Variants in FAM174A observed in about 807,000 individuals in gnomAD.
FAM174A encodes the protein family with sequence similarity 174 member A, also known as membrane protein FAM174A.
FAM174A carries 14 observed loss-of-function variants against 14.3 expected under a neutral mutation model. The ratio of observed to expected loss-of-function variants is 0.98; its 90% CI spans 0.65 to 1.53. The LOEUF is 1.53. FAM174A is among the 40% of genes most tolerant of loss of function. The probability of loss-of-function intolerance (pLI) is 0.00; values close to 1 mark genes in which losing one functional copy is unlikely to be tolerated. For missense variants in FAM174A, 241 were observed against 249.6 expected (o/e 0.97, Z 0.23); for synonymous variants, 108 against 111.4 (o/e 0.97, Z 0.19).
intron 1 of FAM174A, among the ~76,000 whole-genome samples, chr5:100,545,037 A>G (rs1746136525): frequency 6.6e-6 from 1 of 152,166 alleles, no homozygotes; most frequent in South Asian, 2.1e-4. Context: ...TTAAATAGCT[A>G]AATATCTTGA....
intron 2 of FAM174A, among the ~76,000 whole-genome samples, chr5:100,562,607 CGT>C (rs1451108001): frequency 2.7e-5 from 4 of 149,684 alleles, no homozygotes; most frequent in Admixed American, 1.3e-4. Context: ...TGTTTGTGTG[CGT>C]GTGTGTTTGT....
At chr5:100,544,178 T>C (rs947777689) in intron 1 of FAM174A, among the ~76,000 whole-genome samples, 7 of 152,090 alleles carry the variant, frequency 4.6e-5, no homozygotes, top group South Asian at 2.1e-4. Flanking sequence ...CTGGGCAATA[T>C]AGTGAGACTT....
At chr5:100,575,755 G>C (rs1228563007) in intron 2 of FAM174A, among the ~76,000 whole-genome samples, 1 of 152,140 alleles carries the variant, frequency 6.6e-6, no homozygotes, top group East Asian at 1.9e-4. Context: ...GGAACCTACA[G>C]AATGGGAGAA....
intron 1 of FAM174A, among the ~76,000 whole-genome samples, chr5:100,540,261 G>A (rs1401951070): frequency 6.6e-6 from 1 of 152,106 alleles, no homozygotes; most frequent in Non-Finnish European, 1.5e-5. Context: ...AAAACCAGGA[G>A]TACTTTTGAC....
At chr5:100,576,087 TGA>T (rs1296911642) in intron 2 of FAM174A, among the ~76,000 whole-genome samples, 1 of 152,238 alleles carries the variant, frequency 6.6e-6, no homozygotes, top group Non-Finnish European at 1.5e-5. Flanking sequence ...CAGCTCTTTC[TGA>T]GAGTGGTGTT....
intron 1 of FAM174A, among the ~76,000 whole-genome samples, chr5:100,537,109 G>T (rs1353701988): frequency 6.6e-6 from 1 of 152,142 alleles, no homozygotes; most frequent in Non-Finnish European, 1.5e-5. Context: ...TATCATAAAG[G>T]AATAACCACT....
At chr5:100,556,536 A>G (rs1036908693) in intron 1 of FAM174A, among the ~76,000 whole-genome samples, 2 of 152,138 alleles carry the variant, frequency 1.3e-5, no homozygotes, top group East Asian at 1.9e-4. Flanking sequence ...CTTAGGCAGT[A>G]TGGCCATTTT....
chr5:100,554,766 G>C (rs185592439), intron 1 of FAM174A, among the ~76,000 whole-genome samples: 110 of 152,134 alleles, frequency 7.2e-4, no homozygotes, highest in African/African-American at 2.6e-3. Context: ...AGCTAAGAAT[G>C]GTTTATCTAT....
In FAM174A at chr5:100,568,828, G is replaced by A. The variant is rs116684241; in HGVS notation, c.569+6640G>A. Among the ~76,000 whole-genome samples, 1,277 of 151,814 alleles carry A rather than the reference G, an allele frequency of 8.4e-3. 16 individuals are homozygous for A. The highest frequency in any genetic ancestry group is 0.029 in the African/African-American group (1,216 of 41,436). ...AGATACTGTGTTCATAAATAATTTGGCTTAGTTCTTTCCCACACTCCTCTT... is the reference window on the plus strand; with the variant it reads ...AGATACTGTGTTCATAAATAATTTGACTTAGTTCTTTCCCACACTCCTCTT... On this transcript the variant is annotated intron_variant, in intron 2 of 2. Transcript: ENST00000312637.
intron 2 of FAM174A, among the ~76,000 whole-genome samples, chr5:100,564,559 G>A (rs373390065): frequency 2.6e-5 from 4 of 151,756 alleles, no homozygotes; most frequent in African/African-American, 9.7e-5. Context: ...ACATTAAATA[G>A]AGTTGAAAAA....
intron 1 of FAM174A, among the ~76,000 whole-genome samples, chr5:100,554,429 G>A (rs561454205): frequency 6.9e-6 from 1 of 145,540 alleles, no homozygotes; most frequent in East Asian, 2.0e-4. Flanking sequence ...CCATTCTCCT[G>A]CTTTAGCTTC....
chr5:100,566,963 G>A (rs1746666876), intron 2 of FAM174A, among the ~76,000 whole-genome samples: 1 of 151,758 alleles, frequency 6.6e-6, no homozygotes, highest in South Asian at 2.1e-4. Flanking sequence ...GTAGTTAGAT[G>A]GTGCAAATGC....
rs1157069542 is a variant in FAM174A, at chr5:100,535,563, C to T, written c.33C>T (p.Ser11=). 4 of 1,613,102 alleles carry T rather than the reference C, an allele frequency of 2.5e-6. No homozygotes were observed. Among genetic ancestry groups the T allele is most frequent in the Admixed American group, 3.3e-5 (2 of 60,008 alleles). ...CCTCGCAGTGCTGCTGCTGTCTCAG[C>T]CACCTCTTGGCTTCCGTCCTCCTCC... MKASQCCCCL[S]HLLASVLLLL... is the part of the protein sequence containing the mutation. The change falls in exon 1 of 3, where the codon AGC becomes AGT. Residue 11 remains serine, a synonymous_variant. Coordinates refer to ENST00000312637, the MANE Select transcript of FAM174A (RefSeq NM_198507.3).
At chr5:100,547,834 AT>A (rs559528362) in intron 1 of FAM174A, among the ~76,000 whole-genome samples, 2,270 of 147,490 alleles carry the variant, frequency 0.015, 53 homozygotes, top group African/African-American at 0.052. Flanking sequence ...ACAAGGAAAT[AT>A]TTTTTTTTTG....
intron 1 of FAM174A, among the ~76,000 whole-genome samples, chr5:100,554,104 G>C (rs1746315630): frequency 6.6e-6 from 1 of 152,024 alleles, no homozygotes; most frequent in Admixed American, 6.6e-5. Context: ...AGAATGTTTG[G>C]AATCCATATG....
chr5:100,585,435 A>G (rs1433892105), intron 2 of FAM174A, among the ~76,000 whole-genome samples: 4 of 152,004 alleles, frequency 2.6e-5, no homozygotes, highest in African/African-American at 9.7e-5. Flanking sequence ...TTTATTTGAG[A>G]CAGAGTCCTG....
chr5:100,580,240 A>T (rs768885815), intron 2 of FAM174A, among the ~76,000 whole-genome samples: 7 of 150,722 alleles, frequency 4.6e-5, no homozygotes, highest in Non-Finnish European at 8.9e-5. Context: ...ATGCATCTGA[A>T]GTTCAGAGAT....
chr5:100,566,909 G>A (rs1381801981), intron 2 of FAM174A, among the ~76,000 whole-genome samples: 1 of 151,806 alleles, frequency 6.6e-6, no homozygotes, highest in African/African-American at 2.4e-5. Context: ...GACTGCATGG[G>A]TTGAAGGAGA....
chr5:100,536,256 T>C (rs1745940085), intron 1 of FAM174A, among the ~76,000 whole-genome samples: 1 of 152,234 alleles, frequency 6.6e-6, no homozygotes, highest in African/African-American at 2.4e-5. Context: ...GGATAATCTT[T>C]ATTCCCTAGA....
Sources: allele counts gnomAD v4.1 joint callset (sites outside exome capture counted in the v4.1 genomes callset), GRCh38; gene constraint gnomAD v4.1.1; transcripts MANE v1.5; gene names NCBI Gene and HGNC (gene_info 2026-07-23, HGNC 2026-07-21).